The following MPHOSPH9 variants were observed in gnomAD, a reference collection of about 807,000 sequenced individuals.
MPHOSPH9 encodes the protein M-phase phosphoprotein 9.
In MPHOSPH9, 88 loss-of-function variants were observed where a neutral mutation model predicts 145.5. The observed-to-expected ratio is 0.60, with a 90% confidence interval of 0.51 to 0.72. The LOEUF (loss-of-function observed/expected upper bound fraction) is 0.72, where lower values mean the gene tolerates loss of function less well. Among genes scored for constraint, MPHOSPH9 ranks in the 30% least tolerant of loss-of-function variants. The pLI, the probability that MPHOSPH9 is intolerant of heterozygous loss-of-function variation, is 0.00. For synonymous variants in MPHOSPH9, 435 were observed against 486.2 expected (o/e 0.89, Z 1.39); for missense variants, 1,238 against 1,386.6 (o/e 0.89, Z 1.70).
downstream of MPHOSPH9, among the ~76,000 whole-genome samples, chr12:123,153,834 A>G (rs1282424221): frequency 2.6e-5 from 4 of 151,632 alleles, no homozygotes; most frequent in African/African-American, 9.7e-5. Context: ...TCTGAAATAT[A>G]ATATTTCTTG....
At chr12:123,191,186 T>C (rs1237895512) in intron 13 of MPHOSPH9, among the ~76,000 whole-genome samples, 1 of 152,034 alleles carries the variant, frequency 6.6e-6, no homozygotes, top group Non-Finnish European at 1.5e-5. Context: ...CCGGGCATGG[T>C]GGCACATGCC....
At chr12:123,169,145 C>T (rs1049912043) in intron 16 of MPHOSPH9, among the ~76,000 whole-genome samples, 2 of 151,672 alleles carry the variant, frequency 1.3e-5, no homozygotes, top group Non-Finnish European at 2.9e-5. Context: ...CCTTGGCCTC[C>T]CAAAGTGCTG....
At chr12:123,162,604 A>G (rs911109590) in intron 20 of MPHOSPH9, 3 of 184,160 alleles carry the variant, frequency 1.6e-5, no homozygotes, top group South Asian at 3.4e-4. Context: ...AATAGCACAC[A>G]CAGCTGCCCA....
intron 14 of MPHOSPH9, 67 bp downstream of exon 14, chr12:123,181,095 TC>T: frequency 2.1e-6 from 3 of 1,405,548 alleles, no homozygotes; most frequent in Non-Finnish European, 3.0e-6. Context: ...AAGAGTCAGA[TC>T]CCTTGATTCC....
At chr12:123,184,727 T>A (rs1261457636) in intron 13 of MPHOSPH9, among the ~76,000 whole-genome samples, 3 of 152,092 alleles carry the variant, frequency 2.0e-5, no homozygotes, top group Admixed American at 2.0e-4. Flanking sequence ...CTCCATCTCC[T>A]GACCTTGTGA....
At chr12:123,213,095 G>A (rs1439753870) in intron 7 of MPHOSPH9, among the ~76,000 whole-genome samples, 8 of 151,920 alleles carry the variant, frequency 5.3e-5, no homozygotes, top group Non-Finnish European at 7.4e-5. Flanking sequence ...GCCTGACCTC[G>A]TGATCCGCCC....
At chr12:123,210,617 A>C (rs1322095613) in intron 7 of MPHOSPH9, among the ~76,000 whole-genome samples, 1 of 152,028 alleles carries the variant, frequency 6.6e-6, no homozygotes, top group Non-Finnish European at 1.5e-5. Flanking sequence ...GCTTGAACCC[A>C]GGAGACAGAG....
chr12:123,179,395 G>A (rs541166390), intron 15 of MPHOSPH9, among the ~76,000 whole-genome samples: 6 of 152,280 alleles, frequency 3.9e-5, no homozygotes, highest in South Asian at 4.1e-4. Context: ...CCAACATGGC[G>A]AAACCCTGTC....
rs2045944870 is a variant in MPHOSPH9, at chr12:123,196,345, C to T, written c.2026-1744G>A. Among the ~76,000 whole-genome samples the T allele has an allele frequency of 2.0e-5, 3 of 152,076 alleles. No homozygotes were observed. The South Asian group carries it at 6.2e-4, about 32-fold the overall frequency. On this transcript the variant is annotated intron_variant, in intron 12 of 23. Transcript: ENST00000606320. ...AGCCTGGGCAACAAGGGCGAGACTC[C>T]ATCTCAACAAAAAAACAAAATAGAC...
At chr12:123,217,745 A>C (rs2047026369) in intron 6 of MPHOSPH9, among the ~76,000 whole-genome samples, 1 of 152,012 alleles carries the variant, frequency 6.6e-6, no homozygotes, top group Admixed American at 6.6e-5. Context: ...AAACACCAAA[A>C]GAAAGATGCA....
At chr12:123,194,186 T>C (rs1471105447) in intron 13 of MPHOSPH9, among the ~76,000 whole-genome samples, 200 bp downstream of exon 13, 1 of 152,100 alleles carries the variant, frequency 6.6e-6, no homozygotes, top group Non-Finnish European at 1.5e-5. Flanking sequence ...AGAAGATCTC[T>C]TGAGCCCGGG....
In MPHOSPH9 at chr12:123,156,121, C is replaced by CT. The variant is rs2137820778; in HGVS notation, c.*685_*686insA. On this transcript the variant is annotated 3_prime_UTR_variant, in exon 24 of 24. Coordinates refer to ENST00000606320, the MANE Select transcript of MPHOSPH9 (RefSeq NM_022782.4). ...GGCAGAGAGCTACTCTGAGAGCCCT[C>CT]CAGAGAGGGCTCTCCAATTGTTTAA... The CT allele has an allele frequency of 6.6e-6, 1 of 152,232 alleles. No homozygotes were observed. Among genetic ancestry groups the CT allele is most frequent in the African/African-American group, 2.4e-5 (1 of 41,534 alleles). 9.4% of individuals were successfully genotyped at this position (152,232 alleles called of 1,614,324 possible). A position where few individuals can be genotyped will look rare whatever the true frequency, so the allele number is the denominator to read the frequency against.
chr12:123,217,375 T>G (rs1211767817), intron 6 of MPHOSPH9, among the ~76,000 whole-genome samples: 1 of 151,954 alleles, frequency 6.6e-6, no homozygotes, highest in Non-Finnish European at 1.5e-5. Flanking sequence ...GTTTTGTATT[T>G]TTAGTTAGAG....
chr12:123,197,006 G>T (rs577909850), intron 12 of MPHOSPH9, among the ~76,000 whole-genome samples: 10 of 148,946 alleles, frequency 6.7e-5, no homozygotes, highest in South Asian at 2.1e-4. Context: ...GACAGAATGT[G>T]GGGGGTGACG....
In MPHOSPH9 at chr12:123,159,445, A is replaced by T. The variant is rs906809228; in HGVS notation, c.3450+1336T>A. Among the ~76,000 whole-genome samples the T allele has an allele frequency of 3.3e-5, 5 of 151,906 alleles. No individual in the cohort carries two copies. The highest frequency in any genetic ancestry group is 9.7e-5 in the African/African-American group (4 of 41,362). ...CCCAAAGTGCTGGGATTACAGGCATAAGCCATTGCGCCTGGCCATGGCAGG... is the reference window on the plus strand; with the variant it reads ...CCCAAAGTGCTGGGATTACAGGCATTAGCCATTGCGCCTGGCCATGGCAGG... On this transcript the variant is annotated intron_variant, in intron 23 of 23. Coordinates refer to ENST00000606320, the MANE Select transcript of MPHOSPH9 (RefSeq NM_022782.4). The surrounding 1 kb of genome is among the most constrained non-coding windows in gnomAD (Gnocchi z 4.3).
chr12:123,219,903 C>G (rs776772339), intron 5 of MPHOSPH9, among the ~76,000 whole-genome samples: 4 of 152,274 alleles, frequency 2.6e-5, no homozygotes, highest in Middle Eastern at 3.4e-3. Context: ...AACATTCAGG[C>G]TGGGTGCAGT....
intron 13 of MPHOSPH9, among the ~76,000 whole-genome samples, chr12:123,182,120 T>C (rs1294113790): frequency 6.6e-6 from 1 of 151,132 alleles, no homozygotes; most frequent in East Asian, 2.0e-4. Context: ...TTTGTATTTT[T>C]AGTAAAGACG....
At chr12:123,225,279 A>T (rs567263139) in intron 3 of MPHOSPH9, among the ~76,000 whole-genome samples, 7,012 of 151,516 alleles carry the variant, frequency 0.046, 303 homozygotes, top group East Asian at 0.26. Context: ...CCTTGTCTCA[A>T]CAAAAAATGC....
At chr12:123,239,984 C>T (rs1302898345) in intron 1 of MPHOSPH9, among the ~76,000 whole-genome samples, 2 of 152,246 alleles carry the variant, frequency 1.3e-5, no homozygotes, top group Admixed American at 6.5e-5. Flanking sequence ...AGAATACTAG[C>T]AGCATCCTTG....
Sources: gnomAD v4.1 joint callset for allele counts (sites outside exome capture counted in the v4.1 genomes callset) on GRCh38, gnomAD v4.1.1 for gene constraint, Gnocchi (gnomAD v3.1) non-coding constraint, MANE v1.5 for transcripts, NCBI Gene and HGNC (gene_info 2026-07-23, HGNC 2026-07-21) for gene names.